Variants in ZCCHC7 observed in about 807,000 individuals in gnomAD.
The protein encoded by ZCCHC7 is zinc finger CCHC domain-containing protein 7.
A neutral mutation model predicts 52.0 loss-of-function variants in ZCCHC7; 35 were observed. The observed-to-expected ratio is 0.67, with a 90% CI of 0.51 to 0.89. The LOEUF is 0.89. Ranked by LOEUF, ZCCHC7 falls within the 40% of genes least tolerant of loss-of-function variation. The pLI is 0.00. For missense variants in ZCCHC7, 574 were observed against 649.1 expected, an observed-to-expected ratio of 0.88 and a Z score of 1.26; for synonymous variants, 217 against 221.5, an observed-to-expected ratio of 0.98 and a Z score of 0.18.
chr9:37,141,322 GT>G (rs1843218843), intron 2 of ZCCHC7, among the ~76,000 whole-genome samples: 1 of 150,974 alleles, frequency 6.6e-6, no homozygotes. Context: ...TTGTTTCTTT[GT>G]TTTGATCTTT....
intron 2 of ZCCHC7, among the ~76,000 whole-genome samples, chr9:37,129,166 C>G (rs1262065719): frequency 6.6e-6 from 1 of 152,156 alleles, no homozygotes; most frequent in Non-Finnish European, 1.5e-5. Context: ...TCTGTTTGCA[C>G]TAGAGAATCT....
chr9:37,134,470 T>A (rs1842918777), intron 2 of ZCCHC7, among the ~76,000 whole-genome samples: 1 of 152,238 alleles, frequency 6.6e-6, no homozygotes, highest in Non-Finnish European at 1.5e-5. Context: ...TTGCTTTTGA[T>A]ATGTTATTTT....
intron 6 of ZCCHC7, among the ~76,000 whole-genome samples, chr9:37,336,406 C>G (rs1404175309): frequency 1.3e-5 from 2 of 152,156 alleles, no homozygotes; most frequent in Middle Eastern, 3.2e-3. Flanking sequence ...TTACTTCCCC[C>G]TTCTAACAGG....
chr9:37,127,916 G>T (rs1283739336), intron 2 of ZCCHC7, among the ~76,000 whole-genome samples: 2 of 152,188 alleles, frequency 1.3e-5, no homozygotes, highest in Admixed American at 1.3e-4. Context: ...TGGGAAAGCA[G>T]CCTTAAATAA....
chr9:37,166,806 GGGT>G lies in ZCCHC7; in HGVS notation c.610+39865_610+39867del, dbSNP rs1821448240. Among the ~76,000 whole-genome samples the G allele has an allele frequency of 2.0e-5, 3 of 152,026 alleles. No homozygotes were observed. In the South Asian group the frequency reaches 6.2e-4, roughly 32 times the overall value. ...CTTTGTGATTTCTCCTTTGACCCAG[GGGT>G]TATTTAGAAGTGTGTTATTTAATTT... On this transcript the variant is annotated intron_variant, in intron 2 of 8. Transcript: ENST00000336755.
At chr9:37,202,409 G>T (rs1354380652) in intron 2 of ZCCHC7, among the ~76,000 whole-genome samples, 1 of 152,126 alleles carries the variant, frequency 6.6e-6, no homozygotes, top group Non-Finnish European at 1.5e-5. Context: ...ATAATGAATT[G>T]TTTGTTTTAA....
At chr9:37,150,491 C>G (rs187503620) in intron 2 of ZCCHC7, among the ~76,000 whole-genome samples, 5 of 152,226 alleles carry the variant, frequency 3.3e-5, no homozygotes, top group African/African-American at 1.2e-4. Flanking sequence ...AGTGATTGCC[C>G]TTGATGTATT....
chr9:37,254,472 C>CA (rs200558011), intron 2 of ZCCHC7, among the ~76,000 whole-genome samples: 27 of 148,406 alleles, frequency 1.8e-4, no homozygotes, highest in Non-Finnish European at 2.5e-4. Context: ...CAGACTCCCA[C>CA]AAAAAAAAAG....
At chr9:37,197,897 A>G (rs939802064) in intron 2 of ZCCHC7, among the ~76,000 whole-genome samples, 2 of 152,220 alleles carry the variant, frequency 1.3e-5, no homozygotes, top group African/African-American at 4.8e-5. Flanking sequence ...CTCATTTAAT[A>G]TATGAGCAGG....
intron 4 of ZCCHC7, among the ~76,000 whole-genome samples, chr9:37,305,317 A>G (rs1227990257): frequency 1.3e-5 from 2 of 152,194 alleles, no homozygotes; most frequent in African/African-American, 4.8e-5. Flanking sequence ...GAAGAGGCAT[A>G]AGGAATATAT....
intron 2 of ZCCHC7, among the ~76,000 whole-genome samples, chr9:37,190,387 C>T (rs1588454924): frequency 6.6e-6 from 1 of 152,318 alleles, no homozygotes; most frequent in East Asian, 1.9e-4. Flanking sequence ...CTGGAGTTCT[C>T]TTTGTCTATC....
In ZCCHC7 at chr9:37,176,308, C is replaced by A. The variant is rs1822027653; in HGVS notation, c.610+49366C>A. 2.0e-5 allele frequency among the ~76,000 whole-genome samples: 3 copies of A among 152,222 alleles called. No individual in the cohort carries two copies. The South Asian group carries it at 6.2e-4, about 32-fold the overall frequency. On this transcript the variant is annotated intron_variant, in intron 2 of 8. Coordinates refer to ENST00000336755, the MANE Select transcript of ZCCHC7 (RefSeq NM_032226.3). Reference sequence around the variant, plus strand: ...CAGGATGGTCTCGATCTCCTGACCTCGTGATCCGCCTGCCTCGGCCTCCCA... The same window carrying A: ...CAGGATGGTCTCGATCTCCTGACCTAGTGATCCGCCTGCCTCGGCCTCCCA...
intron 2 of ZCCHC7, among the ~76,000 whole-genome samples, chr9:37,259,014 A>G (rs796505782): frequency 2.0e-5 from 3 of 152,268 alleles, no homozygotes; most frequent in African/African-American, 7.2e-5. Flanking sequence ...TTGTAAGACA[A>G]TAGGCAAGCA....
intron 2 of ZCCHC7, among the ~76,000 whole-genome samples, chr9:37,261,930 A>G (rs986610488): frequency 4.6e-5 from 7 of 152,162 alleles, no homozygotes; most frequent in African/African-American, 1.7e-4. Flanking sequence ...GTAAATGAGA[A>G]CTATGATTCT....
chr9:37,219,956 G>A (rs1588501823), intron 2 of ZCCHC7, among the ~76,000 whole-genome samples: 1 of 152,194 alleles, frequency 6.6e-6, no homozygotes, highest in Non-Finnish European at 1.5e-5. Flanking sequence ...GGGTGGTGAA[G>A]GTTATTGAGT....
chr9:37,287,210 T>C (rs975783362), intron 2 of ZCCHC7, among the ~76,000 whole-genome samples: 3 of 149,684 alleles, frequency 2.0e-5, no homozygotes. Flanking sequence ...TTTCTTTCTC[T>C]AGAAAAGTCT....
rs143196614 is a variant in ZCCHC7, at chr9:37,348,122, T to C, written c.988-1235T>C. Among the ~76,000 whole-genome samples, 441 of 152,326 alleles carry C rather than the reference T, an allele frequency of 2.9e-3. 1 individual carries two copies. The highest frequency in any genetic ancestry group is 9.8e-3 in the African/African-American group (408 of 41,578). On this transcript the variant is annotated intron_variant, in intron 6 of 8. Coordinates refer to ENST00000336755, the MANE Select transcript of ZCCHC7 (RefSeq NM_032226.3). Reference sequence around the variant, plus strand: ...ATTACTTTCAGATCTACTCTTCAGCTCAGACTCTTCTGTCTCTACATAGAA... The same window carrying C: ...ATTACTTTCAGATCTACTCTTCAGCCCAGACTCTTCTGTCTCTACATAGAA...
At chr9:37,211,871 A>G (rs1403444828) in intron 2 of ZCCHC7, among the ~76,000 whole-genome samples, 5 of 151,852 alleles carry the variant, frequency 3.3e-5, no homozygotes, top group Admixed American at 6.6e-5. Context: ...TACTAAAAAT[A>G]CAAAAAATTA....
chr9:37,357,229 T>C lies in ZCCHC7; in HGVS notation c.1593T>C (p.Asp531=). ...KERCWEDDDN[D]NLFLIKQRKK... ...GGTGCTGGGAAGATGATGACAATGA[T>C]AACTTATTTCTTATTAAGCAGAGAA... is the stretch of plus-strand genomic sequence containing the variant. The change falls in exon 9 of 9, where the codon GAT becomes GAC. Residue 531 remains aspartate (D), a synonymous_variant. Coordinates refer to ENST00000336755, the MANE Select transcript of ZCCHC7 (RefSeq NM_032226.3). 2 of 1,608,468 alleles carry C rather than the reference T, an allele frequency of 1.2e-6. No individual in the cohort carries two copies. Among genetic ancestry groups the C allele is most frequent in the Non-Finnish European group, 1.7e-6 (2 of 1,178,634 alleles).
Sources: gnomAD v4.1 joint callset for allele counts (sites outside exome capture counted in the v4.1 genomes callset) on GRCh38, gnomAD v4.1.1 for gene constraint, MANE v1.5 for transcripts, NCBI Gene and HGNC (gene_info 2026-07-23, HGNC 2026-07-21) for gene names.